The following MRTFB variants were observed in gnomAD, a reference collection of about 807,000 sequenced individuals.
MRTFB encodes myocardin-related transcription factor B.
A neutral mutation model predicts 104.2 loss-of-function variants in MRTFB; 29 were observed. The observed-to-expected ratio is 0.28, with a 90% CI of 0.21 to 0.38. The LOEUF is 0.38. MRTFB is among the 10% of genes least tolerant of loss of function. The probability of loss-of-function intolerance (pLI) is 1.00; values close to 1 mark genes in which losing one functional copy is unlikely to be tolerated. For missense variants in MRTFB, 1,270 were observed against 1,341.6 expected, an observed-to-expected ratio of 0.95 and a Z score of 0.83; for synonymous variants, 535 against 519.5, an observed-to-expected ratio of 1.03 and a Z score of -0.41.
At chr16:14,137,750 G>A (rs912263854) in intron 2 of MRTFB, among the ~76,000 whole-genome samples, 5 of 151,886 alleles carry the variant, frequency 3.3e-5, no homozygotes, top group Admixed American at 1.3e-4. Context: ...TGCATGACCC[G>A]TCTTTTTTCT....
chr16:14,140,431 T>C (rs1177394347), intron 2 of MRTFB, 113 bp from the exon 3 acceptor site: 4 of 676,478 alleles, frequency 5.9e-6, no homozygotes, highest in Non-Finnish European at 9.7e-6. Flanking sequence ...TGGATTAGTA[T>C]GACCATACAG....
chr16:14,217,023 A>G, intron 6 of MRTFB, 103 bp from the exon 7 acceptor site: 12 of 1,176,772 alleles, frequency 1.0e-5, no homozygotes, highest in Non-Finnish European at 1.3e-5. Flanking sequence ...AGAACACAAA[A>G]ATGTGTCTAA....
At chr16:14,066,464 G>C (rs2033529357), upstream of MRTFB, among the ~76,000 whole-genome samples, 1 of 151,828 alleles carries the variant, frequency 6.6e-6, no homozygotes, top group Admixed American at 6.6e-5. Context: ...AGTAGAGATG[G>C]GGGTTTCACC....
chr16:14,085,225 A>G (rs989239794), intron 2 of MRTFB, among the ~76,000 whole-genome samples: 1 of 151,612 alleles, frequency 6.6e-6, no homozygotes, highest in African/African-American at 2.4e-5. Flanking sequence ...GGTGGCTGAG[A>G]TGAGTGGATC....
At chr16:14,214,569 A>T (rs2041335025) in intron 6 of MRTFB, among the ~76,000 whole-genome samples, 2 of 152,176 alleles carry the variant, frequency 1.3e-5, no homozygotes. Flanking sequence ...CCATTGTTAG[A>T]GGTGTTCCTT....
At chr16:14,062,166 C>T in the MRTFB span, among the ~76,000 whole-genome samples, 1 of 152,186 alleles carries the variant, frequency 6.6e-6, no homozygotes, top group Non-Finnish European at 1.5e-5. Context: ...AATCACAGCT[C>T]ACTGCAGCCT....
intron 12 of MRTFB, chr16:14,247,799 CAT>C (rs1157342211): frequency 2.9e-6 from 1 of 344,956 alleles, no homozygotes; most frequent in African/African-American, 2.1e-5. Flanking sequence ...TCATTGTGAT[CAT>C]AGTCTGCCGC....
At chr16:14,046,732 C>T in the MRTFB span, among the ~76,000 whole-genome samples, 1 of 152,146 alleles carries the variant, frequency 6.6e-6, no homozygotes, top group Non-Finnish European at 1.5e-5. Flanking sequence ...CAAGTAAATA[C>T]AGCTTTGATT....
At chr16:14,084,662 A>G (rs2034596902) in intron 2 of MRTFB, among the ~76,000 whole-genome samples, 1 of 152,218 alleles carries the variant, frequency 6.6e-6, no homozygotes, top group Non-Finnish European at 1.5e-5. Flanking sequence ...TGATGATATT[A>G]TTGAGTTATG....
intron 11 of MRTFB, 141 bp downstream of exon 11, chr16:14,245,801 T>A: frequency 9.9e-7 from 1 of 1,008,914 alleles, no homozygotes; most frequent in Non-Finnish European, 1.4e-6. Context: ...ATAAAAGGTA[T>A]TTTCTTTTTA....
chr16:14,126,842 C>A (rs1421824093), intron 2 of MRTFB, among the ~76,000 whole-genome samples: 2 of 152,142 alleles, frequency 1.3e-5, no homozygotes, highest in African/African-American at 4.8e-5. Context: ...CATCACAGTT[C>A]TAATTTGACG....
At chr16:14,144,222 TGA>T (rs2038173192) in intron 3 of MRTFB, 1 of 152,246 alleles carries the variant, frequency 6.6e-6, no homozygotes, top group African/African-American at 2.4e-5. Flanking sequence ...CATCTCATTC[TGA>T]GAAACTGTGC....
rs185167066 is a variant in MRTFB at position 14,201,711 on chromosome 16, A to G, written c.155-8532A>G. 5.9e-5 allele frequency among the ~76,000 whole-genome samples: 9 copies of G among 152,338 alleles called. No homozygotes were observed. In the East Asian group the frequency reaches 1.7e-3, roughly 29 times the overall value. ...GCTCTTCAGTGGACCTTGAGCTAATAGAGCTTTTACCACTAAAAGAGCATT... is the reference window on the plus strand; with the variant it reads ...GCTCTTCAGTGGACCTTGAGCTAATGGAGCTTTTACCACTAAAAGAGCATT... On this transcript the variant is annotated intron_variant, in intron 3 of 16. Transcript: ENST00000571589.
the MRTFB span, among the ~76,000 whole-genome samples, chr16:14,018,564 A>C: frequency 7.9e-5 from 12 of 152,214 alleles, no homozygotes; most frequent in Non-Finnish European, 1.8e-4. Flanking sequence ...TTAGGAGTTC[A>C]CATGAAAATC....
intron 2 of MRTFB, among the ~76,000 whole-genome samples, chr16:14,110,358 G>A (rs2036209371): frequency 6.6e-6 from 1 of 152,204 alleles, no homozygotes; most frequent in South Asian, 2.1e-4. Context: ...AACTGAGAAT[G>A]GATCCTATAA....
intron 3 of MRTFB, among the ~76,000 whole-genome samples, chr16:14,189,066 A>T (rs1035951877): frequency 6.6e-6 from 1 of 150,744 alleles, no homozygotes; most frequent in South Asian, 2.1e-4. Context: ...CATTTAATAG[A>T]TTCTACTCAT....
At chr16:14,012,045 T>C in the MRTFB span, among the ~76,000 whole-genome samples, 1 of 151,854 alleles carries the variant, frequency 6.6e-6, no homozygotes, top group Non-Finnish European at 1.5e-5. Context: ...TTAGGAAGAA[T>C]TGGAAAGATC....
the MRTFB span, among the ~76,000 whole-genome samples, chr16:14,039,554 C>T: frequency 6.6e-6 from 1 of 151,804 alleles, no homozygotes; most frequent in South Asian, 2.1e-4. Context: ...TTCTCATTAC[C>T]TTATCTATAT....
chr16:14,055,090 G>A, the MRTFB span, among the ~76,000 whole-genome samples: 4 of 152,348 alleles, frequency 2.6e-5, no homozygotes, highest in South Asian at 4.1e-4. Context: ...GGTGGCTCAT[G>A]TCTATAATCC....
Sources: gnomAD v4.1 joint callset for allele counts (sites outside exome capture counted in the v4.1 genomes callset) on GRCh38, gnomAD v4.1.1 for gene constraint, MANE v1.5 for transcripts, NCBI Gene and HGNC (gene_info 2026-07-23, HGNC 2026-07-21) for gene names.